The following GMNN variants were observed in gnomAD, a reference collection of about 807,000 sequenced individuals.
GMNN encodes the protein geminin DNA replication inhibitor.
Under a neutral mutation model 20.9 loss-of-function variants are expected in GMNN, and 14 were observed. That is an observed-to-expected ratio of 0.67 (90% confidence interval 0.44 to 1.05). The LOEUF (loss-of-function observed/expected upper bound fraction) is 1.05. GMNN is among the 50% of genes least tolerant of loss of function. The pLI is 0.00. For synonymous variants in GMNN, 81 were observed against 85.8 expected (o/e 0.94, Z 0.31); for missense variants, 227 against 243.8 (o/e 0.93, Z 0.46).
intron 3 of GMNN, 137 bp downstream of exon 3, chr6:24,780,877 C>A: frequency 1.7e-6 from 1 of 600,048 alleles, no homozygotes; most frequent in Non-Finnish European, 3.0e-6. Context: ...ATATATTTCC[C>A]AAAGAAGTGA....
In GMNN at chr6:24,784,534, T is replaced by C; in HGVS notation, c.448T>C (p.Tyr150His). ...GGCAGAAGTAGCAGAACATGTACAG[T>C]ATATGGCAGAGCTAATAGAGGTAGG... Reference protein sequence around the residue: ...ELAEVAEHVQYMAELIERLNG... With the variant: ...ELAEVAEHVQHMAELIERLNG... Residue 150 changes from tyrosine to histidine, a missense_variant, in exon 6 of 7, where the codon TAT (tyrosine) becomes CAT (histidine). Coordinates refer to ENST00000230056, the MANE Select transcript of GMNN (RefSeq NM_015895.5). The C allele has an allele frequency of 6.8e-7, 1 of 1,469,662 alleles. No homozygotes were observed. The highest frequency in any genetic ancestry group is 9.5e-7 in the Non-Finnish European group (1 of 1,051,250). The allele number at this position is 1,469,662 out of a possible 1,614,324, so 91.0% of individuals were successfully genotyped here.
At chr6:24,777,954 A>T (rs1404465445) in intron 2 of GMNN, among the ~76,000 whole-genome samples, 1 of 152,176 alleles carries the variant, frequency 6.6e-6, no homozygotes, top group Non-Finnish European at 1.5e-5. Flanking sequence ...ATTCATTACC[A>T]TCTAACCTAT....
chr6:24,778,563 T>C lies in GMNN; in HGVS notation c.51+1266T>C, dbSNP rs373150818. 3.3e-4 allele frequency among the ~76,000 whole-genome samples: 51 copies of C among 152,318 alleles called. No individual in the cohort carries two copies. In the South Asian group the frequency reaches 9.3e-3, roughly 28 times the overall value. On this transcript the variant is annotated intron_variant, in intron 2 of 6. Transcript: ENST00000230056. The stretch of plus-strand genomic sequence containing the variant: ...AGTACCTAAAAGCCATTGATAAGTA[T>C]AAGCAAGTACCTTTTGATGGGTTTT...
chr6:24,785,782 G>C lies in GMNN; in HGVS notation c.613G>C (p.Ala205Pro). The C allele has an allele frequency of 1.3e-6, 2 of 1,579,032 alleles. No individual in the cohort carries two copies. The highest frequency in any genetic ancestry group is 1.7e-6 in the Non-Finnish European group (2 of 1,163,592). Residue 205 changes from alanine to proline, a missense_variant, in exon 7 of 7, where the codon GCA becomes CCA. Transcript: ENST00000230056. ...AEGTVSSSTD[A>P]KPCI is the part of the protein sequence containing the mutation. ...AGGAACTGTATCTTCCTCTACGGAT[G>C]CAAAGCCATGTATATGAAATGCATT...
chr6:24,785,688 A>G lies in GMNN; in HGVS notation c.519A>G (p.Glu173=). The G allele has an allele frequency of 6.4e-7, 1 of 1,562,840 alleles. No individual in the cohort carries two copies. Among genetic ancestry groups the G allele is most frequent in the Non-Finnish European group, 8.8e-7 (1 of 1,138,496 alleles). The change falls in exon 7 of 7, where the codon GAA becomes GAG. Residue 173 remains glutamate (E), a synonymous_variant. Coordinates refer to ENST00000230056, the MANE Select transcript of GMNN (RefSeq NM_015895.5). The part of the protein sequence containing the change: ...LDNFESLDNQ[E]FDSEEETVED... ...ATTTTGAATCACTGGATAATCAGGA[A>G]TTTGATTCTGAAGAAGAAACTGTTG...
At chr6:24,780,128 T>C (rs370796691) in intron 2 of GMNN, among the ~76,000 whole-genome samples, 3 of 152,208 alleles carry the variant, frequency 2.0e-5, no homozygotes, top group Admixed American at 6.5e-5. Context: ...TTTCTTCCAG[T>C]TTACCTGTTT....
At chr6:24,779,452 G>A (rs1337202086) in intron 2 of GMNN, among the ~76,000 whole-genome samples, 1 of 152,008 alleles carries the variant, frequency 6.6e-6, no homozygotes, top group Non-Finnish European at 1.5e-5. Flanking sequence ...AGGTTCCAAC[G>A]TTACATTTTC....
At position 24,785,674 on chromosome 6, in the gene GMNN, C is replaced by A; in HGVS notation, c.505C>A (p.Leu169Met). Reference protein sequence around the residue: ...NGEPLDNFESLDNQEFDSEEE... With the variant: ...NGEPLDNFESMDNQEFDSEEE... Reference sequence around the variant, plus strand: ...TGAACCTCTGGATAATTTTGAATCACTGGATAATCAGGAATTTGATTCTGA... The same window carrying A: ...TGAACCTCTGGATAATTTTGAATCAATGGATAATCAGGAATTTGATTCTGA... Residue 169 changes from leucine (L) to methionine (M), a missense_variant, in exon 7 of 7, where the codon CTG (leucine) becomes ATG (methionine). Coordinates refer to ENST00000230056, the MANE Select transcript of GMNN (RefSeq NM_015895.5). The A allele has an allele frequency of 6.5e-7, 1 of 1,547,646 alleles. No individual in the cohort carries two copies. The highest frequency in any genetic ancestry group is 8.9e-7 in the Non-Finnish European group (1 of 1,127,438).
intron 2 of GMNN, among the ~76,000 whole-genome samples, chr6:24,778,509 A>AT (rs1780131876): frequency 6.6e-6 from 1 of 151,972 alleles, no homozygotes. Context: ...ACCTAAAAAA[A>AT]TTTTTTTTAT....
At chr6:24,782,446 T>C (rs185771778) in intron 4 of GMNN, among the ~76,000 whole-genome samples, 1 of 152,316 alleles carries the variant, frequency 6.6e-6, no homozygotes, top group African/African-American at 2.4e-5. Flanking sequence ...GTACTGATGA[T>C]AAAATTGAGG....
At chr6:24,784,052 T>G in intron 4 of GMNN, 35 bp from the exon 5 acceptor site, 2 of 983,586 alleles carry the variant, frequency 2.0e-6, no homozygotes, top group South Asian at 3.0e-5. Context: ...TTGACAGTAA[T>G]GATTTTTAAA....
At position 24,784,179 on chromosome 6, in the gene GMNN, G is replaced by T; in HGVS notation, c.357+10G>T. On this transcript the variant is annotated intron_variant, in intron 5 of 6. Transcript: ENST00000230056. ...TAAGGAAAATGAGAAAGTATGTATT[G>T]AGTATAATTTGTACCATTTTTAAAA... 2 of 1,339,738 alleles carry T rather than the reference G, an allele frequency of 1.5e-6. No individual in the cohort carries two copies. The highest frequency in any genetic ancestry group is 1.2e-5 in the South Asian group (1 of 82,868). 83.0% of individuals were successfully genotyped at this position (1,339,738 alleles called of 1,614,324 possible). A position where few individuals can be genotyped will look rare whatever the true frequency, so the allele number is the denominator to read the frequency against.
intron 5 of GMNN, 80 bp from the exon 6 acceptor site, chr6:24,784,364 T>G (rs555130589): frequency 1.3e-6 from 1 of 746,446 alleles, no homozygotes; most frequent in African/African-American, 1.7e-5. Context: ...ATGTCCTCCA[T>G]GTTATATACT....
chr6:24,778,696 C>T (rs577882455), intron 2 of GMNN, among the ~76,000 whole-genome samples: 6 of 151,562 alleles, frequency 4.0e-5, no homozygotes, highest in African/African-American at 1.5e-4. Context: ...CCATTAGCTT[C>T]CATTTAGGAT....
At chr6:24,784,690 C>T (rs1355626132) in intron 6 of GMNN, 136 bp downstream of exon 6, 3 of 498,988 alleles carry the variant, frequency 6.0e-6, no homozygotes, top group Non-Finnish European at 7.3e-6. Context: ...TCCTTCCTAA[C>T]ACCATTAAGT....
At chr6:24,782,719 T>G (rs769229036) in intron 4 of GMNN, among the ~76,000 whole-genome samples, 2 of 152,154 alleles carry the variant, frequency 1.3e-5, no homozygotes, top group African/African-American at 2.4e-5. Context: ...TCAAGACAAA[T>G]AACTATATAT....
At position 24,781,593 on chromosome 6, in the gene GMNN, C is replaced by T; in HGVS notation, c.246C>T (p.Thr82=). 2 of 1,516,954 alleles carry T rather than the reference C, an allele frequency of 1.3e-6. No individual in the cohort carries two copies. The highest frequency in any genetic ancestry group is 1.8e-6 in the Non-Finnish European group (2 of 1,115,060). The allele number at this position is 1,516,954 out of a possible 1,614,324, so 94.0% of individuals were successfully genotyped here. A position where few individuals can be genotyped will look rare whatever the true frequency, so the allele number is the denominator to read the frequency against. The change falls in exon 4 of 7, where the codon ACC becomes ACT. Residue 82 remains threonine (T), a synonymous_variant. Transcript: ENST00000230056. ...AAAATAAAAATCTTGGAGGAGTCACCCAGGAGTCATTTGATCTTATGATTA... is the reference window on the plus strand; with the variant it reads ...AAAATAAAAATCTTGGAGGAGTCACTCAGGAGTCATTTGATCTTATGATTA... ...SSENKNLGGV[T]QESFDLMIKE...
At chr6:24,785,124 G>A (rs571937185) in intron 6 of GMNN, among the ~76,000 whole-genome samples, 21 of 152,104 alleles carry the variant, frequency 1.4e-4, no homozygotes, top group Non-Finnish European at 1.8e-4. Flanking sequence ...TATCAGACTT[G>A]ACCTTAAAAA....
chr6:24,785,497 T>C (rs1017937777), intron 6 of GMNN, 141 bp from the exon 7 acceptor site: 14 of 503,766 alleles, frequency 2.8e-5, no homozygotes, highest in Non-Finnish European at 4.5e-5. Context: ...ATAATACTGT[T>C]TATAAATGAA....
Sources: gnomAD v4.1 joint callset for allele counts (sites outside exome capture counted in the v4.1 genomes callset) on GRCh38, gnomAD v4.1.1 for gene constraint, MANE v1.5 for transcripts, NCBI Gene and HGNC (gene_info 2026-07-23, HGNC 2026-07-21) for gene names.